Variants in ZIC3 observed in about 807,000 individuals in gnomAD.
ZIC3 encodes the protein zinc finger protein ZIC 3.
A neutral mutation model predicts 18.3 loss-of-function variants in ZIC3; 6 were observed. The observed-to-expected ratio is 0.33, with a 90% CI of 0.18 to 0.65. The LOEUF (loss-of-function observed/expected upper bound fraction) is 0.65, where lower values mean the gene tolerates loss of function less well. ZIC3 is among the 30% of genes least tolerant of loss of function. ZIC3 has a pLI of 0.75. For synonymous variants in ZIC3, 175 were observed against 177.0 expected (o/e 0.99, Z 0.09); for missense variants, 260 against 410.0 (o/e 0.63, Z 3.16).
At chrX:137,568,098 G>GCT (rs1931378250) in intron 1 of ZIC3, among the ~76,000 whole-genome samples, 1 of 113,218 alleles carries the variant, frequency 8.8e-6, no homozygotes, top group Admixed American at 9.3e-5. Context: ...AAGCGACTTA[G>GCT]CTCTCGGCAC....
In ZIC3 at chrX:137,570,265, T is replaced by C. The variant is rs1931419185; in HGVS notation, c.*195T>C. 1.4e-5 allele frequency: 7 copies of C among 497,152 alleles called. No individual in the cohort carries two copies. The South Asian group carries it at 1.9e-4, about 14-fold the overall frequency. The allele number at this position is 497,152 out of a possible 1,213,427, so 41.0% of individuals were successfully genotyped here. A position where few individuals can be genotyped will look rare whatever the true frequency, so the allele number is the denominator to read the frequency against. On this transcript the variant is annotated 3_prime_UTR_variant, in exon 3 of 3. Transcript: ENST00000287538. ...TGCCCTTTTCTCAGGATAGAAAATATGTTTTGGCATTTGAAGCATTTTTTA... is the reference window on the plus strand; with the variant it reads ...TGCCCTTTTCTCAGGATAGAAAATACGTTTTGGCATTTGAAGCATTTTTTA...
Position 137,570,283 on chromosome X carries a change from A to AT in ZIC3, c.*219dup, listed in dbSNP as rs1931419671. 4.0e-5 allele frequency: 18 copies of AT among 453,079 alleles called. No homozygotes were observed. The South Asian group carries it at 5.4e-4, about 14-fold the overall frequency. 37.3% of individuals were successfully genotyped at this position (453,079 alleles called of 1,213,427 possible). On this transcript the variant is annotated 3_prime_UTR_variant, in exon 3 of 3. Coordinates refer to ENST00000287538, the MANE Select transcript of ZIC3 (RefSeq NM_003413.4). ...GAAAATATGTTTTGGCATTTGAAGCATTTTTTACAAAATCTTTACACTACT... is the reference window on the plus strand; with the variant it reads ...GAAAATATGTTTTGGCATTTGAAGCATTTTTTTACAAAATCTTTACACTACT...
chrX:137,573,032 G>C (rs1209564035), downstream of ZIC3, among the ~76,000 whole-genome samples: 1 of 103,392 alleles, frequency 9.7e-6, no homozygotes, highest in Non-Finnish European at 1.9e-5. Flanking sequence ...TCCTTATTTT[G>C]ATAGAAAGCT....
chrX:137,570,461 TG>T lies in ZIC3; in HGVS notation c.*392del, dbSNP rs1277789122. On this transcript the variant is annotated 3_prime_UTR_variant, in exon 3 of 3. Transcript: ENST00000287538. Reference sequence around the variant, plus strand: ...TGGAAATTCTTTTTCGCCTTAGTGGTGATTGTTTAAACTCTCACAGTCTTAA... The same window carrying T: ...TGGAAATTCTTTTTCGCCTTAGTGGTATTGTTTAAACTCTCACAGTCTTAA... The T allele has an allele frequency of 4.6e-6, 1 of 218,360 alleles. No individual in the cohort carries two copies. The highest frequency in any genetic ancestry group is 1.2e-4 in the East Asian group (1 of 8,513). The allele number at this position is 218,360 out of a possible 1,213,427, so 18.0% of individuals were successfully genotyped here.
At position 137,566,841 on chromosome X, in the gene ZIC3, CGCCGCCGCCGCT is replaced by C; in HGVS notation, c.154_165del (p.Ala52_Ala55del). 2.1e-5 allele frequency: 24 copies of C among 1,162,749 alleles called. No individual in the cohort carries two copies. The highest frequency in any genetic ancestry group is 2.6e-5 in the Non-Finnish European group (23 of 872,905). On this transcript the variant is annotated inframe_deletion, in exon 1 of 3. Transcript: ENST00000287538. ...ACTCAACCCACGCCGCCGCCGCCGC[CGCCGCCGCCGCT>C]GCCTTCAAGCTGAGCCCTGCCGCGG... is the stretch of plus-strand genomic sequence containing the variant.
chrX:137,574,595 C>T (rs922057053), downstream of ZIC3, among the ~76,000 whole-genome samples: 1 of 112,863 alleles, frequency 8.9e-6, no homozygotes, highest in Non-Finnish European at 1.9e-5. Flanking sequence ...GCCCGCGCCG[C>T]GCGCAGGCGC....
chrX:137,572,103 T>C (rs922571698), downstream of ZIC3, among the ~76,000 whole-genome samples: 1 of 112,314 alleles, frequency 8.9e-6, no homozygotes, highest in Non-Finnish European at 1.9e-5. Flanking sequence ...TGTTATAACA[T>C]TTTTGTATTT....
chrX:137,572,447 C>T (rs761580610), downstream of ZIC3, among the ~76,000 whole-genome samples: 7 of 111,903 alleles, frequency 6.3e-5, no homozygotes, highest in African/African-American at 2.3e-4. Context: ...CCAGACATTC[C>T]GATCTTGACC....
rs746990583 is a variant in ZIC3 at position 137,571,565 on chromosome X, A to G, written c.*1495A>G. On this transcript the variant is annotated 3_prime_UTR_variant, in exon 3 of 3. Transcript: ENST00000287538. ...ATTATCGCAATTATCCATAACATTT[A>G]TATAGCGGTGTAATAACTGCAGCAG... The G allele has an allele frequency of 8.9e-6, 1 of 112,764 alleles. No individual in the cohort carries two copies. Among genetic ancestry groups the G allele is most frequent in the African/African-American group, 3.2e-5 (1 of 31,027 alleles). 9.3% of individuals were successfully genotyped at this position (112,764 alleles called of 1,213,427 possible).
At chrX:137,574,608 A>G (rs2124189898), downstream of ZIC3, among the ~76,000 whole-genome samples, 1 of 112,112 alleles carries the variant, frequency 8.9e-6, no homozygotes, top group African/African-American at 3.2e-5. Context: ...GCAGGCGCAC[A>G]CTTCGCAGCC....
chrX:137,568,911 C>A lies in ZIC3; in HGVS notation c.1070C>A (p.Pro357His). The A allele has an allele frequency of 8.3e-7, 1 of 1,210,966 alleles. No individual in the cohort carries two copies. The highest frequency in any genetic ancestry group is 1.1e-6 in the Non-Finnish European group (1 of 895,326). ...IHKRTHTGEKPFKCEFEGCDR... is the reference protein window; with the variant it reads ...IHKRTHTGEKHFKCEFEGCDR... ...TTTTTGCCTTTTGCAGGTGAGAAAC[C>A]TTTCAAATGTGAATTTGAAGGCTGT... is the stretch of plus-strand genomic sequence containing the variant. Residue 357 changes from proline to histidine, a missense_variant, in exon 2 of 3, where the codon CCT becomes CAT. By Grantham distance (77) the Pro-to-His change is moderately conservative (BLOSUM62 -2). This residue lies in a region of ZIC3 where 52 missense variants were observed against 111.5 expected (regional missense o/e 0.47). Transcript: ENST00000287538.
intron 2 of ZIC3, 140 bp from the exon 3 acceptor site, chrX:137,569,751 A>AT (rs945164551): frequency 6.1e-5 from 37 of 602,415 alleles, no homozygotes; most frequent in Admixed American, 7.8e-5. Flanking sequence ...GGTAATACGG[A>AT]TTTTTTTTAA....
downstream of ZIC3, among the ~76,000 whole-genome samples, chrX:137,576,620 C>A (rs948187340): frequency 8.9e-6 from 1 of 112,358 alleles, no homozygotes; most frequent in Non-Finnish European, 1.9e-5. Flanking sequence ...ACTAAGTTTG[C>A]TGGAAGCATT....
At chrX:137,573,129 A>AC (rs772470370), downstream of ZIC3, among the ~76,000 whole-genome samples, 87 of 42,728 alleles carry the variant, frequency 2.0e-3, 2 homozygotes, top group South Asian at 7.0e-3. Context: ...GAGAGTAAGT[A>AC]CCCCCCCCAA....
rs1931432620 is a variant in ZIC3 at position 137,571,261 on chromosome X, T to A, written c.*1191T>A. The A allele has an allele frequency of 8.9e-6, 1 of 112,355 alleles. No homozygotes were observed. Among genetic ancestry groups the A allele is most frequent in the South Asian group, 3.7e-4 (1 of 2,694 alleles). 9.3% of individuals were successfully genotyped at this position (112,355 alleles called of 1,213,427 possible). ...AGTTCTTTATTACCTTACATAAAAA[T>A]GAAAATTGCGGCAGGATGCATGTCT... On this transcript the variant is annotated 3_prime_UTR_variant, in exon 3 of 3. Coordinates refer to ENST00000287538, the MANE Select transcript of ZIC3 (RefSeq NM_003413.4).
chrX:137,572,380 A>G (rs1196207376), downstream of ZIC3, among the ~76,000 whole-genome samples: 1 of 111,735 alleles, frequency 8.9e-6, no homozygotes, highest in African/African-American at 3.3e-5. Flanking sequence ...ATGAACAGAG[A>G]TTGGGATGAC....
rs1931335868 is a variant in ZIC3, at chrX:137,566,242, G to C, written c.-450G>C. ...CTGCCCGCCTGCCCGGCCGCTAGCCGGCTCCGCCACTTGGCGCAGCCCAGC... is the reference window on the plus strand; with the variant it reads ...CTGCCCGCCTGCCCGGCCGCTAGCCCGCTCCGCCACTTGGCGCAGCCCAGC... On this transcript the variant is annotated 5_prime_UTR_variant, in exon 1 of 3. Transcript: ENST00000287538. 1.3e-5 allele frequency: 2 copies of C among 156,042 alleles called. No homozygotes were observed. Among genetic ancestry groups the C allele is most frequent in the African/African-American group, 6.2e-5 (2 of 32,081 alleles). 12.9% of individuals were successfully genotyped at this position (156,042 alleles called of 1,213,427 possible).
chrX:137,566,681 A>G lies in ZIC3; in HGVS notation c.-11A>G, dbSNP rs1223960250. 1 of 1,199,192 alleles carries G rather than the reference A, an allele frequency of 8.3e-7. No individual in the cohort carries two copies. Among genetic ancestry groups the G allele is most frequent in the African/African-American group, 1.7e-5 (1 of 57,233 alleles). ...TTCGGCCGGATCGCCTGTGCCCAGAACGTCCCACCCATGACGATGCTCCTG... is the reference window on the plus strand; with the variant it reads ...TTCGGCCGGATCGCCTGTGCCCAGAGCGTCCCACCCATGACGATGCTCCTG... On this transcript the variant is annotated 5_prime_UTR_variant, in exon 1 of 3. Coordinates refer to ENST00000287538, the MANE Select transcript of ZIC3 (RefSeq NM_003413.4).
chrX:137,566,575 C>A lies in ZIC3; in HGVS notation c.-117C>A. 8.8e-7 allele frequency: 1 copy of A among 1,130,663 alleles called. No homozygotes were observed. The highest frequency in any genetic ancestry group is 1.2e-6 in the Non-Finnish European group (1 of 855,372). 93.2% of individuals were successfully genotyped at this position (1,130,663 alleles called of 1,213,427 possible). ...GCCCCTGGTAGCGCCTTGGGGGTCT[C>A]CCCGCAGTGTCCAACCGCCGCCACC... is the stretch of plus-strand genomic sequence containing the variant. On this transcript the variant is annotated 5_prime_UTR_variant, in exon 1 of 3. Transcript: ENST00000287538.
Sources: gnomAD v4.1 joint callset for allele counts (sites outside exome capture counted in the v4.1 genomes callset) on GRCh38, gnomAD v4.1.1 for gene constraint, gnomAD v4.1.1 regional missense constraint, MANE v1.5 for transcripts, NCBI Gene and HGNC (gene_info 2026-07-23, HGNC 2026-07-21) for gene names.